PBX3: variants seen among roughly 807,000 people sequenced by gnomAD.
The protein encoded by PBX3 is PBX homeobox 3.
In PBX3, 14 loss-of-function variants were observed where a neutral mutation model predicts 48.5. The ratio of observed to expected loss-of-function variants is 0.29; its 90% CI spans 0.19 to 0.45. The LOEUF is 0.45. Among genes scored for constraint, PBX3 ranks in the 20% least tolerant of loss-of-function variants. The pLI, the probability that PBX3 is intolerant of heterozygous loss-of-function variation, is 1.00. For synonymous variants in PBX3, 210 were observed against 200.3 expected, an observed-to-expected ratio of 1.05 and a Z score of -0.41; for missense variants, 386 against 546.7, an observed-to-expected ratio of 0.71 and a Z score of 2.93.
rs923714262 is a variant in PBX3 at position 125,747,385 on chromosome 9, C to G, written c.-69C>G. The G allele has an allele frequency of 2.7e-6, 2 of 741,946 alleles. No homozygotes were observed. The highest frequency in any genetic ancestry group is 2.1e-5 in the African/African-American group (1 of 48,330). 46.0% of individuals were successfully genotyped at this position (741,946 alleles called of 1,614,324 possible). Reference sequence around the variant, plus strand: ...CCCCCTCTTTCTTCTCCTCCCTCGTCGCCGCCGCCGCCGCCGCCGCCTCAG... The same window carrying G: ...CCCCCTCTTTCTTCTCCTCCCTCGTGGCCGCCGCCGCCGCCGCCGCCTCAG... On this transcript the variant is annotated 5_prime_UTR_variant, in exon 1 of 9. Transcript: ENST00000373489.
rs561039451 is a variant in PBX3, at chr9:125,926,312, G to C, written c.517-3343G>C. Among the ~76,000 whole-genome samples, 4 of 152,232 alleles carry C rather than the reference G, an allele frequency of 2.6e-5. No individual in the cohort carries two copies. In the South Asian group the frequency reaches 8.3e-4, roughly 32 times the overall value. ...AGGTGGGCGGATCACTTGAGGTCAG[G>C]AGTTCGAGACCAGCCTGGCCAACAT... is the stretch of plus-strand genomic sequence containing the variant. On this transcript the variant is annotated intron_variant, in intron 3 of 8. Transcript: ENST00000373489.
intron 2 of PBX3, among the ~76,000 whole-genome samples, chr9:125,789,826 A>G (rs565017692): frequency 6.6e-6 from 1 of 152,124 alleles, no homozygotes; most frequent in Non-Finnish European, 1.5e-5. Context: ...TGGCTATTCT[A>G]ATGTATACTT....
In PBX3 at chr9:125,867,179, C is replaced by T. The variant is rs558932561; in HGVS notation, c.275-48507C>T. Reference sequence around the variant, plus strand: ...GATGCATTTCACCCTACATTGATGTCGTTAGGACCATTCACCATAGATGTG... The same window carrying T: ...GATGCATTTCACCCTACATTGATGTTGTTAGGACCATTCACCATAGATGTG... On this transcript the variant is annotated intron_variant, in intron 2 of 8. Coordinates refer to ENST00000373489, the MANE Select transcript of PBX3 (RefSeq NM_006195.6). Among the ~76,000 whole-genome samples, 10 of 151,730 alleles carry T rather than the reference C, an allele frequency of 6.6e-5. No individual in the cohort carries two copies. The East Asian group carries it at 9.7e-4, about 15-fold the overall frequency.
intron 3 of PBX3, among the ~76,000 whole-genome samples, chr9:125,919,581 CAGAA>C (rs1339939653): frequency 1.3e-5 from 2 of 151,988 alleles, no homozygotes; most frequent in Admixed American, 1.3e-4. Context: ...CTCTGAGTGA[CAGAA>C]AGCTTAATAG....
chr9:125,889,812 G>C (rs1449237106), intron 2 of PBX3, among the ~76,000 whole-genome samples: 2 of 148,494 alleles, frequency 1.3e-5, no homozygotes, highest in African/African-American at 4.9e-5. Flanking sequence ...AGGGGGAGCC[G>C]GATCGCCGTC....
intron 3 of PBX3, among the ~76,000 whole-genome samples, chr9:125,928,418 G>GTGTTTT (rs953906794): frequency 6.7e-5 from 10 of 148,530 alleles, no homozygotes; most frequent in African/African-American, 2.6e-4. Flanking sequence ...GTGTGTGTGT[G>GTGTTTT]TGTGTTTTTG....
intron 3 of PBX3, among the ~76,000 whole-genome samples, chr9:125,919,337 C>T (rs755547913): frequency 1.4e-5 from 2 of 148,072 alleles, no homozygotes; most frequent in East Asian, 2.0e-4. Flanking sequence ...GGATTACAGG[C>T]GTCTGCCATC....
intron 2 of PBX3, among the ~76,000 whole-genome samples, chr9:125,793,994 TTGTG>T (rs1427868923): frequency 6.6e-6 from 1 of 152,170 alleles, no homozygotes; most frequent in Admixed American, 6.5e-5. Flanking sequence ...CAACTTAAAT[TTGTG>T]TGATAACATT....
In PBX3 at chr9:125,966,852, C is replaced by T. The variant is rs549965382; in HGVS notation, c.*929C>T. On this transcript the variant is annotated 3_prime_UTR_variant, in exon 9 of 9. Coordinates refer to ENST00000373489, the MANE Select transcript of PBX3 (RefSeq NM_006195.6). The stretch of plus-strand genomic sequence containing the variant: ...GCTCACTTACTACCTCTGAACAATA[C>T]TCACGCTGTAGTTTGTCTCTTTCTT... The T allele has an allele frequency of 6.5e-6, 1 of 152,728 alleles. No homozygotes were observed. The highest frequency in any genetic ancestry group is 2.4e-5 in the African/African-American group (1 of 41,544). 9.5% of individuals were successfully genotyped at this position (152,728 alleles called of 1,614,324 possible).
chr9:125,804,284 T>C (rs1010866885), intron 2 of PBX3, among the ~76,000 whole-genome samples: 14 of 152,208 alleles, frequency 9.2e-5, no homozygotes, highest in Admixed American at 7.9e-4. Context: ...TAAAGGAATT[T>C]CAAAGTTGGA....
chr9:125,959,367 G>A (rs1396086056), intron 5 of PBX3, among the ~76,000 whole-genome samples: 1 of 152,154 alleles, frequency 6.6e-6, no homozygotes, highest in African/African-American at 2.4e-5. Context: ...ATGGGTCCTC[G>A]GCAAGTATGC....
chr9:125,811,422 ATGGGGGTGGTTCCC>A (rs774126223), intron 2 of PBX3, among the ~76,000 whole-genome samples: 36 of 152,198 alleles, frequency 2.4e-4, no homozygotes, highest in Non-Finnish European at 1.2e-4. Context: ...TAATTGAATC[ATGGGGGTGGTTCCC>A]CCATCCTGTT....
intron 2 of PBX3, among the ~76,000 whole-genome samples, chr9:125,815,844 G>A (rs577876539): frequency 6.6e-6 from 1 of 151,990 alleles, no homozygotes; most frequent in Non-Finnish European, 1.5e-5. Context: ...TGGGAAAACC[G>A]GCTCCTACCT....
At chr9:125,751,379 A>G (rs1006349276) in intron 2 of PBX3, among the ~76,000 whole-genome samples, 3 of 152,226 alleles carry the variant, frequency 2.0e-5, no homozygotes, top group African/African-American at 7.2e-5. Context: ...CAGGCAGTGA[A>G]CACTGCCAGT....
At chr9:125,829,491 A>G (rs902053389) in intron 2 of PBX3, among the ~76,000 whole-genome samples, 13 of 152,322 alleles carry the variant, frequency 8.5e-5, no homozygotes, top group Middle Eastern at 6.8e-3. Context: ...TAATCTCAAC[A>G]TTTAATTTGC....
chr9:125,818,489 C>T (rs1158958591), intron 2 of PBX3, among the ~76,000 whole-genome samples: 2 of 151,790 alleles, frequency 1.3e-5, no homozygotes, highest in Non-Finnish European at 1.5e-5. Flanking sequence ...TCTGTGCCAC[C>T]ACGCCCGGCT....
chr9:125,891,882 T>A (rs926779209), intron 2 of PBX3, among the ~76,000 whole-genome samples: 4 of 152,160 alleles, frequency 2.6e-5, no homozygotes, highest in Non-Finnish European at 5.9e-5. Flanking sequence ...AAAGGGAGCT[T>A]CCGAAATTAG....
intron 5 of PBX3, among the ~76,000 whole-genome samples, chr9:125,953,652 C>A (rs936407316): frequency 1.3e-5 from 2 of 152,138 alleles, no homozygotes; most frequent in Admixed American, 1.3e-4. Context: ...AGGTTTATTT[C>A]TTTAATCTGA....
At chr9:125,848,975 G>T (rs1230073442) in intron 2 of PBX3, among the ~76,000 whole-genome samples, 1 of 151,892 alleles carries the variant, frequency 6.6e-6, no homozygotes, top group Non-Finnish European at 1.5e-5. Flanking sequence ...CTTATAATGT[G>T]CCAGGTACTC....
Sources: gnomAD v4.1 joint callset for allele counts (sites outside exome capture counted in the v4.1 genomes callset) on GRCh38, gnomAD v4.1.1 for gene constraint, MANE v1.5 for transcripts, NCBI Gene and HGNC (gene_info 2026-07-23, HGNC 2026-07-21) for gene names.